Variants in LCA5L observed in about 807,000 individuals in gnomAD.
LCA5L encodes the protein lebercilin LCA5 like.
LCA5L carries 35 observed loss-of-function variants against 45.4 expected under a neutral mutation model. The ratio of observed to expected loss-of-function variants is 0.77; its 90% CI spans 0.59 to 1.02. The LOEUF is 1.02. LCA5L is among the 50% of genes least tolerant of loss of function. The pLI is 0.00. For synonymous variants in LCA5L, 233 were observed against 264.7 expected (o/e 0.88, Z 1.16); for missense variants, 668 against 761.6 (o/e 0.88, Z 1.45).
intron 2 of LCA5L, among the ~76,000 whole-genome samples, chr21:39,436,556 ACTGCAGTCTCG>A (rs2076304240): frequency 1.3e-5 from 2 of 152,194 alleles, no homozygotes; most frequent in African/African-American, 4.8e-5. Flanking sequence ...AGCTCAGCTC[ACTGCAGTCTCG>A]ACCTCCTGGG....
At chr21:39,438,547 C>T (rs2076505428) in intron 2 of LCA5L, 1 of 152,046 alleles carries the variant, frequency 6.6e-6, no homozygotes, top group South Asian at 2.1e-4. Context: ...TGACAAAGAC[C>T]TAATTTCCTT....
chr21:39,412,269 C>T (rs2040217152), intron 7 of LCA5L, among the ~76,000 whole-genome samples: 2 of 152,174 alleles, frequency 1.3e-5, no homozygotes, highest in African/African-American at 4.8e-5. Context: ...TTTCCACCAT[C>T]TAATAGAAAG....
chr21:39,425,638 G>A (rs974995812), intron 5 of LCA5L, among the ~76,000 whole-genome samples: 1 of 152,156 alleles, frequency 6.6e-6, no homozygotes, highest in Non-Finnish European at 1.5e-5. Context: ...ACTGGCTAGG[G>A]AAGCTCTAGA....
At chr21:39,417,451 TTCTC>T (rs1330664560) in intron 7 of LCA5L, among the ~76,000 whole-genome samples, 3 of 152,352 alleles carry the variant, frequency 2.0e-5, no homozygotes, top group East Asian at 1.9e-4. Context: ...TTCTACTCTA[TTCTC>T]TCTTTTTCTG....
In LCA5L at chr21:39,445,716, G is replaced by C. The variant is rs749128906; in HGVS notation, c.-313+9C>G. On this transcript the variant is annotated intron_variant, in intron 1 of 10. Transcript: ENST00000288350. Reference sequence around the variant, plus strand: ...CTGAGGGGGACGACGGCAGCAGCGGGGCCGTTACCTGCTCCGCGCTGTTCC... The same window carrying C: ...CTGAGGGGGACGACGGCAGCAGCGGCGCCGTTACCTGCTCCGCGCTGTTCC... The C allele has an allele frequency of 6.6e-6, 1 of 152,358 alleles. No individual in the cohort carries two copies. The highest frequency in any genetic ancestry group is 6.5e-5 in the Admixed American group (1 of 15,292). The allele number at this position is 152,358 out of a possible 1,614,324, so 9.4% of individuals were successfully genotyped here.
At position 39,417,994 on chromosome 21, in the gene LCA5L, C is replaced by T. The variant is rs149664780; in HGVS notation, c.975+2712G>A. On this transcript the variant is annotated intron_variant, in intron 7 of 10. Transcript: ENST00000288350. ...TGTTTGCCAGGATTGTCTCCATCTCCTGACCTCGTGATCCACCCACCTTGG... is the reference window on the plus strand; with the variant it reads ...TGTTTGCCAGGATTGTCTCCATCTCTTGACCTCGTGATCCACCCACCTTGG... Among the ~76,000 whole-genome samples, 230 of 152,304 alleles carry T rather than the reference C, an allele frequency of 1.5e-3. 2 individuals are homozygous for T. The highest frequency in any genetic ancestry group is 5.1e-3 in the African/African-American group (210 of 41,574).
At chr21:39,426,847 G>C (rs1446996362) in intron 5 of LCA5L, among the ~76,000 whole-genome samples, 1 of 152,236 alleles carries the variant, frequency 6.6e-6, no homozygotes, top group Non-Finnish European at 1.5e-5. Context: ...GGCCTTGCCA[G>C]TGGAGGTAGG....
At chr21:39,407,226 A>C (rs2039223056) in intron 10 of LCA5L, among the ~76,000 whole-genome samples, 1 of 152,162 alleles carries the variant, frequency 6.6e-6, no homozygotes, top group Non-Finnish European at 1.5e-5. Flanking sequence ...AGCTGTTTCA[A>C]AACAAAACAA....
In LCA5L at chr21:39,428,410, T is replaced by C. The variant is rs142714945; in HGVS notation, c.84A>G (p.Ala28=). ...VALENNRRSA[A]CKRSPGTGDF... ...CGCCTGTGCCTGGGCTTCTCTTGCA[T>C]GCTGCAGACCTCCTATTGTTTTCTA... Residue 28 remains alanine (A), a synonymous_variant, in exon 5 of 11, where the codon GCA becomes GCG. Transcript: ENST00000288350. 1.3e-3 allele frequency: 2,080 copies of C among 1,613,116 alleles called. 1 individual carries two copies. Among genetic ancestry groups the C allele is most frequent in the Non-Finnish European group, 1.7e-3 (1,960 of 1,179,716 alleles).
At chr21:39,421,346 C>G (rs997565720) in intron 6 of LCA5L, among the ~76,000 whole-genome samples, 1 of 152,090 alleles carries the variant, frequency 6.6e-6, no homozygotes, top group Non-Finnish European at 1.5e-5. Flanking sequence ...CCTCGGCCTC[C>G]CAAAGTGCTG....
chr21:39,413,079 G>T, intron 7 of LCA5L, among the ~76,000 whole-genome samples: 1 of 152,192 alleles, frequency 6.6e-6, no homozygotes, highest in Admixed American at 6.5e-5. Context: ...GGATTTATTT[G>T]ACCAGACTGA....
In LCA5L at chr21:39,432,455, CATAT is replaced by C. The variant is rs141108344; in HGVS notation, c.-92+2961_-92+2964del. On this transcript the variant is annotated intron_variant, in intron 3 of 10. Transcript: ENST00000288350. The stretch of plus-strand genomic sequence containing the variant: ...CAATTTATTTGGCTTACTGAGCGTA[CATAT>C]TTAACACAACTGATTCCTAAGCCTT... Among the ~76,000 whole-genome samples, 335 of 152,246 alleles carry C rather than the reference CATAT, an allele frequency of 2.2e-3. 4 individuals are homozygous for C. The highest frequency in any genetic ancestry group is 7.6e-3 in the African/African-American group (317 of 41,550).
chr21:39,433,082 C>T (rs932252591), intron 3 of LCA5L, among the ~76,000 whole-genome samples: 2 of 152,124 alleles, frequency 1.3e-5, no homozygotes, highest in Admixed American at 6.5e-5. Flanking sequence ...AAAGAGCAGA[C>T]TGTTAATTTT....
chr21:39,410,688 C>T (rs2039939432), intron 8 of LCA5L, among the ~76,000 whole-genome samples: 2 of 152,240 alleles, frequency 1.3e-5, no homozygotes, highest in South Asian at 2.1e-4. Context: ...GCCAGGCCAC[C>T]GAGCTATCCT....
chr21:39,409,859 G>A lies in LCA5L; in HGVS notation c.1282+120C>T. On this transcript the variant is annotated intron_variant, in intron 10 of 10. Transcript: ENST00000288350. The surrounding 1 kb of genome is among the most constrained non-coding windows in gnomAD (Gnocchi z 4.2). ...TCTGCCTGCCTTGGCCTCCCAAAGT[G>A]CTGGGATTACAGGTGCGAGCTGCCA... 1 of 616,036 alleles carries A rather than the reference G, an allele frequency of 1.6e-6. No homozygotes were observed. Among genetic ancestry groups the A allele is most frequent in the South Asian group, 2.1e-5 (1 of 48,664 alleles). The allele number at this position is 616,036 out of a possible 1,614,324, so 38.2% of individuals were successfully genotyped here.
Position 39,435,479 on chromosome 21 carries a change from G to C in LCA5L, c.-151C>G, listed in dbSNP as rs2076202838. The C allele has an allele frequency of 6.6e-6, 1 of 152,028 alleles. No homozygotes were observed. The highest frequency in any genetic ancestry group is 6.6e-5 in the Admixed American group (1 of 15,264). 9.4% of individuals were successfully genotyped at this position (152,028 alleles called of 1,614,324 possible). A position where few individuals can be genotyped will look rare whatever the true frequency, so the allele number is the denominator to read the frequency against. On this transcript the variant is annotated 5_prime_UTR_variant, in exon 3 of 11. Transcript: ENST00000288350. ...GATGATAAACTGAAGATAAGCACAG[G>C]GTTCTTCACACTGTAGTATTTATGA...
At chr21:39,424,868 G>T (rs999161936) in intron 5 of LCA5L, among the ~76,000 whole-genome samples, 10 of 152,148 alleles carry the variant, frequency 6.6e-5, no homozygotes, top group Non-Finnish European at 1.3e-4. Flanking sequence ...TTGAATTTGA[G>T]TATGTTAAAT....
intron 2 of LCA5L, chr21:39,443,327 C>T (rs2077057695): frequency 6.6e-6 from 1 of 152,236 alleles, no homozygotes; most frequent in Admixed American, 6.6e-5. Flanking sequence ...CTTGAACATG[C>T]TTCAAAACCA....
intron 2 of LCA5L, among the ~76,000 whole-genome samples, chr21:39,437,156 C>A (rs2076366672): frequency 6.6e-6 from 1 of 152,198 alleles, no homozygotes; most frequent in Admixed American, 6.5e-5. Flanking sequence ...GAAAAAACTT[C>A]TCATTACTGC....
Sources: gnomAD v4.1 joint callset for allele counts (sites outside exome capture counted in the v4.1 genomes callset) on GRCh38, gnomAD v4.1.1 for gene constraint, Gnocchi (gnomAD v3.1) non-coding constraint, MANE v1.5 for transcripts, NCBI Gene and HGNC (gene_info 2026-07-23, HGNC 2026-07-21) for gene names.